Variants in NTRK2 observed in about 807,000 individuals in gnomAD.
NTRK2 encodes the protein BDNF/NT-3 growth factors receptor.
NTRK2 carries 13 observed loss-of-function variants against 94.5 expected under a neutral mutation model. The ratio of observed to expected loss-of-function variants is 0.14; its 90% CI spans 0.09 to 0.22. The LOEUF (loss-of-function observed/expected upper bound fraction) is 0.22, where lower values mean the gene tolerates loss of function less well. Ranked by LOEUF, NTRK2 falls within the 10% of genes least tolerant of loss-of-function variation. The pLI is 1.00. For missense variants in NTRK2, 639 were observed against 1,071.2 expected (o/e 0.60, Z 5.63); for synonymous variants, 372 against 407.4 (o/e 0.91, Z 1.05).
chr9:84,899,584 A>G (rs1487028940), intron 14 of NTRK2, among the ~76,000 whole-genome samples: 1 of 152,226 alleles, frequency 6.6e-6, no homozygotes, highest in Non-Finnish European at 1.5e-5. Context: ...CAGTTTGAGT[A>G]ACATATTTAA....
At chr9:84,814,147 GC>G (rs1276378459) in intron 12 of NTRK2, 7 of 1,065,428 alleles carry the variant, frequency 6.6e-6, no homozygotes, top group Non-Finnish European at 8.0e-6. Flanking sequence ...GAAATAGGTA[GC>G]AAGGACAAGA....
At chr9:85,016,448 T>A (rs939586772) in intron 17 of NTRK2, among the ~76,000 whole-genome samples, 1 of 152,238 alleles carries the variant, frequency 6.6e-6, no homozygotes, top group African/African-American at 2.4e-5. Context: ...CATATCAGGC[T>A]GAGAGCAGGA....
chr9:84,673,813 A>G (rs1456777320), intron 2 of NTRK2, among the ~76,000 whole-genome samples: 1 of 152,200 alleles, frequency 6.6e-6, no homozygotes, highest in Non-Finnish European at 1.5e-5. Flanking sequence ...TTGCCCACTA[A>G]TGTGACATAA....
At chr9:84,875,134 C>A (rs935956642) in intron 14 of NTRK2, 2 of 1,059,798 alleles carry the variant, frequency 1.9e-6, no homozygotes, top group African/African-American at 3.3e-5. Flanking sequence ...CTTTTAATCT[C>A]TTGTAATATA....
chr9:84,674,948 A>C (rs905811388), intron 2 of NTRK2, among the ~76,000 whole-genome samples: 1 of 152,178 alleles, frequency 6.6e-6, no homozygotes, highest in Admixed American at 6.5e-5. Context: ...CTGAAAAGTG[A>C]TATTTCCTTA....
At chr9:84,876,064 T>C in intron 14 of NTRK2, 1 of 1,029,466 alleles carries the variant, frequency 9.7e-7, no homozygotes, top group African/African-American at 1.7e-5. Context: ...GAGATCAATA[T>C]TCTTTCTTAT....
At chr9:84,698,010 A>G (rs1172167421) in intron 2 of NTRK2, among the ~76,000 whole-genome samples, 1 of 152,162 alleles carries the variant, frequency 6.6e-6, no homozygotes, top group Admixed American at 6.5e-5. Context: ...AAAAAGTATA[A>G]TGACATAATA....
chr9:84,745,119 A>G (rs201158014), intron 11 of NTRK2, 46 bp downstream of exon 11: 12 of 1,318,860 alleles, frequency 9.1e-6, no homozygotes, highest in Non-Finnish European at 1.2e-5. Flanking sequence ...AGCATTTTGG[A>G]TGCCTCCATG....
At chr9:84,870,307 T>G (rs1587759203) in intron 14 of NTRK2, among the ~76,000 whole-genome samples, 1 of 97,036 alleles carries the variant, frequency 1.0e-5, no homozygotes, top group African/African-American at 3.6e-5. Context: ...CATGTACATA[T>G]ACATATATGT....
chr9:84,966,034 T>A (rs1159393815), intron 17 of NTRK2, among the ~76,000 whole-genome samples: 1 of 152,226 alleles, frequency 6.6e-6, no homozygotes, highest in East Asian at 1.9e-4. Context: ...TTGATCATCC[T>A]ATTGGTGACC....
rs950857666 is a variant in NTRK2, at chr9:84,865,297, C to T, written c.1445-1946C>T. 3.9e-5 allele frequency among the ~76,000 whole-genome samples: 6 copies of T among 152,188 alleles called. No homozygotes were observed. In the South Asian group the frequency reaches 6.2e-4, roughly 16 times the overall value. On this transcript the variant is annotated intron_variant, in intron 13 of 18. Transcript: ENST00000277120. ...ACTTGTTTGCAGAATTGAGCCGGAG[C>T]GCATCATTAAAGGCAGCTTCAATGC...
intron 14 of NTRK2, among the ~76,000 whole-genome samples, chr9:84,883,731 G>A (rs1324918039): frequency 6.6e-6 from 1 of 152,160 alleles, no homozygotes; most frequent in South Asian, 2.1e-4. Context: ...TATTTGAAAA[G>A]GATTGGCAAT....
chr9:84,767,269 G>A (rs2066126539), intron 12 of NTRK2, among the ~76,000 whole-genome samples: 1 of 152,192 alleles, frequency 6.6e-6, no homozygotes, highest in Admixed American at 6.5e-5. Context: ...CATTTTCAGA[G>A]TGAACAAAGA....
chr9:84,702,167 C>A lies in NTRK2; in HGVS notation c.221C>A (p.Ala74Glu). Residue 74 changes from alanine (A) to glutamate (E), a missense_variant, in exon 3 of 19, where the codon GCA becomes GAA. Ala to Glu is a moderately radical substitution (Grantham distance 107, BLOSUM62 -1). This residue lies in a region of NTRK2 where 206 missense variants were observed against 251.5 expected (regional missense o/e 0.82). Coordinates refer to ENST00000277120, the MANE Select transcript of NTRK2 (RefSeq NM_006180.6). ...TCTCTGCTTTGTTACAGTTTCATCG[C>A]AAACCAGAAAAGGTTAGAAATCATC... is the stretch of plus-strand genomic sequence containing the variant. Reference protein sequence around the residue: ...DPENITEIFIANQKRLEIINE... With the variant: ...DPENITEIFIENQKRLEIINE... 1 of 1,614,068 alleles carries A rather than the reference C, an allele frequency of 6.2e-7. No homozygotes were observed.
At chr9:84,858,571 G>GA (rs2075177531) in intron 12 of NTRK2, among the ~76,000 whole-genome samples, 3 of 151,350 alleles carry the variant, frequency 2.0e-5, no homozygotes, top group Non-Finnish European at 4.4e-5. Context: ...CTATTTTCTA[G>GA]AAATCCTCTG....
intron 12 of NTRK2, among the ~76,000 whole-genome samples, chr9:84,847,311 A>T (rs139131355): frequency 6.6e-6 from 1 of 152,328 alleles, no homozygotes; most frequent in African/African-American, 2.4e-5. Flanking sequence ...TGAAAATAAG[A>T]CTACTATTGC....
chr9:84,706,115 A>G (rs1219167559), intron 4 of NTRK2, among the ~76,000 whole-genome samples: 1 of 152,160 alleles, frequency 6.6e-6, no homozygotes, highest in Non-Finnish European at 1.5e-5. Context: ...TTCACGTTCC[A>G]AAAGAAGAGA....
chr9:84,985,659 G>A (rs1828203427), intron 17 of NTRK2, among the ~76,000 whole-genome samples: 2 of 152,150 alleles, frequency 1.3e-5, no homozygotes, highest in African/African-American at 4.8e-5. Flanking sequence ...GAATTGGTTA[G>A]GCATAATTTG....
chr9:84,728,390 TACAC>T (rs1432703808), intron 9 of NTRK2, among the ~76,000 whole-genome samples: 2 of 152,234 alleles, frequency 1.3e-5, no homozygotes, highest in African/African-American at 4.8e-5. Flanking sequence ...AGTTATCTGA[TACAC>T]ACTGGATTAA....
Sources: gnomAD v4.1 joint callset for allele counts (sites outside exome capture counted in the v4.1 genomes callset) on GRCh38, gnomAD v4.1.1 for gene constraint, gnomAD v4.1.1 regional missense constraint, MANE v1.5 for transcripts, NCBI Gene and HGNC (gene_info 2026-07-23, HGNC 2026-07-21) for gene names.